Variants in ACTN4 observed in about 807,000 individuals in gnomAD.
ACTN4 encodes actinin alpha 4.
In ACTN4, 18 loss-of-function variants were observed where a neutral mutation model predicts 114.2. The ratio of observed to expected loss-of-function variants is 0.16; its 90% confidence interval spans 0.11 to 0.23. The LOEUF is 0.23. Ranked by LOEUF, ACTN4 falls within the 10% of genes least tolerant of loss-of-function variation. The probability of loss-of-function intolerance (pLI) is 1.00; values close to 1 mark genes in which losing one functional copy is unlikely to be tolerated. For synonymous variants in ACTN4, 515 were observed against 506.3 expected (o/e 1.02, Z -0.23); for missense variants, 722 against 1,262.9 (o/e 0.57, Z 6.49).
At chr19:38,683,114 C>T (rs1967629019) in intron 1 of ACTN4, among the ~76,000 whole-genome samples, 1 of 152,182 alleles carries the variant, frequency 6.6e-6, no homozygotes, top group Admixed American at 6.5e-5. Context: ...TTGGGAGAGG[C>T]TCAGAGCAGT....
chr19:38,684,764 CTCT>C (rs1967689367), intron 1 of ACTN4, among the ~76,000 whole-genome samples: 1 of 151,958 alleles, frequency 6.6e-6, no homozygotes, highest in Non-Finnish European at 1.5e-5. Context: ...CTTTTCTTTT[CTCT>C]TCTTTCTCTC....
chr19:38,708,895 C>T (rs530515805), intron 6 of ACTN4, among the ~76,000 whole-genome samples: 1 of 152,288 alleles, frequency 6.6e-6, no homozygotes, highest in Admixed American at 6.5e-5. Context: ...AGCAAGAGAG[C>T]TGGGCCCCGG....
intron 1 of ACTN4, among the ~76,000 whole-genome samples, chr19:38,681,150 AAAAG>A (rs1967559743): frequency 1.3e-5 from 2 of 151,018 alleles, no homozygotes; most frequent in South Asian, 2.1e-4. Context: ...AAAAAAAAAA[AAAAG>A]CAGATTCTAA....
chr19:38,685,691 G>A (rs1268088521), intron 1 of ACTN4, among the ~76,000 whole-genome samples: 1 of 152,162 alleles, frequency 6.6e-6, no homozygotes, highest in East Asian at 1.9e-4. Context: ...TGTGGGGGCT[G>A]TACATGGTCA....
chr19:38,729,482 G>GGGCAGCCCCACAGTCCC lies in ACTN4; in HGVS notation c.*51_*67dup. ...CCCCGACGGCCTCCAGGAGGGGCCT[G>GGGCAGCCCCACAGTCCC]GGCAGCCCCACAGTCCCATTCCTCC... On this transcript the variant is annotated 3_prime_UTR_variant, in exon 21 of 21. Transcript: ENST00000252699. 1.4e-6 allele frequency: 2 copies of GGGCAGCCCCACAGTCCC among 1,427,060 alleles called. No homozygotes were observed. Among genetic ancestry groups the GGGCAGCCCCACAGTCCC allele is most frequent in the Non-Finnish European group, 1.9e-6 (2 of 1,065,792 alleles). 88.4% of individuals were successfully genotyped at this position (1,427,060 alleles called of 1,614,324 possible). A position where few individuals can be genotyped will look rare whatever the true frequency, so the allele number is the denominator to read the frequency against.
chr19:38,703,427 G>A (rs1263528976), intron 3 of ACTN4, among the ~76,000 whole-genome samples: 2 of 151,950 alleles, frequency 1.3e-5, no homozygotes, highest in Admixed American at 6.6e-5. Flanking sequence ...TAGTAGAGAC[G>A]GGGCTTCACC....
intron 5 of ACTN4, among the ~76,000 whole-genome samples, chr19:38,707,152 G>T (rs1968488627): frequency 6.6e-6 from 1 of 152,116 alleles, no homozygotes; most frequent in African/African-American, 2.4e-5. Flanking sequence ...CTGATAGCAT[G>T]TGGTCCCTCC....
rs753042240 is a variant in ACTN4 at position 38,731,204 on chromosome 19, C to T, written c.*1772C>T. 6 of 1,612,752 alleles carry T rather than the reference C, an allele frequency of 3.7e-6. No individual in the cohort carries two copies. Among genetic ancestry groups the T allele is most frequent in the Non-Finnish European group, 5.1e-6 (6 of 1,179,992 alleles). The stretch of plus-strand genomic sequence containing the variant: ...AGCGGCTGGTGAGGGTCTGGGTCAG[C>T]TGGTTGTTCAGGTGGAAGCCTAGGG... On this transcript the variant is annotated 3_prime_UTR_variant, in exon 21 of 21. Transcript: ENST00000252699.
intron 11 of ACTN4, 154 bp downstream of exon 11, chr19:38,718,228 C>T (rs1255887303): frequency 7.5e-6 from 10 of 1,325,750 alleles, no homozygotes; most frequent in Non-Finnish European, 9.4e-6. Context: ...GTGTGTGTGT[C>T]AGAAATGCTG....
intron 3 of ACTN4, among the ~76,000 whole-genome samples, chr19:38,702,980 G>A (rs897411959): frequency 1.1e-4 from 16 of 152,100 alleles, no homozygotes; most frequent in South Asian, 2.1e-4. Context: ...GCCCTTCCCC[G>A]AGAGTGCTTG....
chr19:38,706,667 C>T (rs2145016341), intron 5 of ACTN4, among the ~76,000 whole-genome samples: 1 of 152,340 alleles, frequency 6.6e-6, no homozygotes, highest in South Asian at 2.1e-4. Context: ...AGTCCTCCTA[C>T]CCCGGCCTCC....
At chr19:38,706,438 A>G (rs1968462056) in intron 5 of ACTN4, among the ~76,000 whole-genome samples, 1 of 152,174 alleles carries the variant, frequency 6.6e-6, no homozygotes, top group Non-Finnish European at 1.5e-5. Context: ...CATTTTTGAG[A>G]CAGGGTCTTG....
intron 1 of ACTN4, among the ~76,000 whole-genome samples, chr19:38,655,047 C>G (rs1268573145): frequency 6.6e-6 from 1 of 152,170 alleles, no homozygotes; most frequent in Non-Finnish European, 1.5e-5. Context: ...GAGCAGTCCC[C>G]CTGTGCTTAT....
intron 4 of ACTN4, 45 bp downstream of exon 4, chr19:38,705,065 C>T (rs759775557): frequency 7.0e-5 from 108 of 1,552,918 alleles, no homozygotes; most frequent in Middle Eastern, 3.3e-4. Context: ...TGAGTCAGGG[C>T]GGGTTAGAGG....
chr19:38,729,628 A>G lies in ACTN4; in HGVS notation c.*196A>G, dbSNP rs1409578264. On this transcript the variant is annotated 3_prime_UTR_variant, in exon 21 of 21. Transcript: ENST00000252699. ...GGTTGGCCAGGAGGTTCCCCCGACCAGGTTGGGGAGACTTGGGGCCAGCGC... is the reference window on the plus strand; with the variant it reads ...GGTTGGCCAGGAGGTTCCCCCGACCGGGTTGGGGAGACTTGGGGCCAGCGC... The G allele has an allele frequency of 2.5e-6, 2 of 808,774 alleles. No homozygotes were observed. The highest frequency in any genetic ancestry group is 2.7e-5 in the East Asian group (1 of 37,636). 50.1% of individuals were successfully genotyped at this position (808,774 alleles called of 1,614,324 possible).
Position 38,717,454 on chromosome 19 carries a change from T to C in ACTN4, c.1143+138T>C. On this transcript the variant is annotated intron_variant, in intron 10 of 20. Coordinates refer to ENST00000252699, the MANE Select transcript of ACTN4 (RefSeq NM_004924.6). The surrounding 1 kb of genome is among the most constrained non-coding windows in gnomAD (Gnocchi z 4.0). The stretch of plus-strand genomic sequence containing the variant: ...ACATGGCATGGCCTTTCGGATGCAG[T>C]GGTCGGGGAGGGGTGCACTTCACTC... 6 of 1,213,608 alleles carry C rather than the reference T, an allele frequency of 4.9e-6. No individual in the cohort carries two copies. The highest frequency in any genetic ancestry group is 7.0e-6 in the Non-Finnish European group (6 of 861,672). The allele number at this position is 1,213,608 out of a possible 1,614,324, so 75.2% of individuals were successfully genotyped here. A position where few individuals can be genotyped will look rare whatever the true frequency, so the allele number is the denominator to read the frequency against.
chr19:38,669,845 C>T (rs992409077), intron 1 of ACTN4, among the ~76,000 whole-genome samples: 2 of 152,044 alleles, frequency 1.3e-5, no homozygotes, highest in Admixed American at 1.3e-4. Context: ...GGCTCACTAG[C>T]TCCACAAGCA....
At chr19:38,728,940 G>A in intron 19 of ACTN4, 56 bp from the exon 20 acceptor site, 3 of 1,607,730 alleles carry the variant, frequency 1.9e-6, no homozygotes, top group South Asian at 1.1e-5. Context: ...GTGTGGGCCT[G>A]GCTGCCCCTG....
chr19:38,657,919 T>C (rs1266110715), intron 1 of ACTN4, among the ~76,000 whole-genome samples: 1 of 152,210 alleles, frequency 6.6e-6, no homozygotes, highest in African/African-American at 2.4e-5. Flanking sequence ...AAATTACTAT[T>C]CTATGATCAA....
Sources: gnomAD v4.1 joint callset for allele counts (sites outside exome capture counted in the v4.1 genomes callset) on GRCh38, gnomAD v4.1.1 for gene constraint, Gnocchi (gnomAD v3.1) non-coding constraint, MANE v1.5 for transcripts, NCBI Gene and HGNC (gene_info 2026-07-23, HGNC 2026-07-21) for gene names.